The following PTPRD variants were observed in gnomAD, a reference collection of about 807,000 sequenced individuals.
PTPRD encodes receptor-type tyrosine-protein phosphatase delta.
Under a neutral mutation model 214.5 loss-of-function variants are expected in PTPRD, and 34 were observed. That is an observed-to-expected ratio of 0.16 (90% CI 0.12 to 0.21). PTPRD has a LOEUF of 0.21. Among genes scored for constraint, PTPRD ranks in the 10% least tolerant of loss-of-function variants. The pLI is 1.00. For missense variants in PTPRD, 2,545 were observed against 2,398.7 expected (o/e 1.06, Z -1.27); for synonymous variants, 1,128 against 845.7 (o/e 1.33, Z -5.79).
chr9:8,970,917 A>ACAACAAC (rs35506188), intron 11 of PTPRD, among the ~76,000 whole-genome samples: 14 of 149,574 alleles, frequency 9.4e-5, no homozygotes, highest in Admixed American at 5.4e-4. Context: ...AAACAAAACA[A>ACAACAAC]AACAACAACA....
chr9:9,976,521 G>A (rs1037753181), intron 4 of PTPRD, among the ~76,000 whole-genome samples: 1 of 150,872 alleles, frequency 6.6e-6, no homozygotes, highest in African/African-American at 2.4e-5. Flanking sequence ...CAAGTAGCTG[G>A]GATTACAGGT....
At chr9:9,757,477 TGTTCA>T (rs1052244175) in intron 6 of PTPRD, among the ~76,000 whole-genome samples, 6 of 152,190 alleles carry the variant, frequency 3.9e-5, no homozygotes, top group African/African-American at 1.4e-4. Flanking sequence ...GTATCATTTT[TGTTCA>T]GTTATTTTCT....
intron 5 of PTPRD, among the ~76,000 whole-genome samples, chr9:9,785,159 A>G (rs2098911915): frequency 6.6e-6 from 1 of 152,006 alleles, no homozygotes; most frequent in African/African-American, 2.4e-5. Flanking sequence ...TATTTTAAGT[A>G]ACAAAAATCT....
intron 14 of PTPRD, among the ~76,000 whole-genome samples, chr9:8,570,577 A>G (rs1167207073): frequency 2.6e-5 from 4 of 152,172 alleles, no homozygotes; most frequent in African/African-American, 9.6e-5. Context: ...TTTTTTTTAC[A>G]CCAATGACTG....
At chr9:8,521,780 A>C (rs1439699795) in intron 19 of PTPRD, among the ~76,000 whole-genome samples, 1 of 152,190 alleles carries the variant, frequency 6.6e-6, no homozygotes, top group Non-Finnish European at 1.5e-5. Flanking sequence ...CTAATACAAA[A>C]GTTGATTCAG....
intron 5 of PTPRD, among the ~76,000 whole-genome samples, chr9:9,915,449 G>T (rs993879755): frequency 1.3e-5 from 2 of 151,380 alleles, no homozygotes; most frequent in Non-Finnish European, 2.9e-5. Context: ...GAAACTGTGA[G>T]ATATAAGAGA....
chr9:8,908,201 G>C (rs1417457326), intron 11 of PTPRD, among the ~76,000 whole-genome samples: 1 of 152,074 alleles, frequency 6.6e-6, no homozygotes, highest in Non-Finnish European at 1.5e-5. Context: ...CAGCAAAACT[G>C]TCTTTCAAAA....
Position 9,845,153 on chromosome 9 carries a change from TATATATAGAG to T in PTPRD, c.-367-78312_-367-78303del, listed in dbSNP as rs2059263484. ...AGAGCAATATATATATATATTGCTC[TATATATAGAG>T]CAATATATATATATATATTGCTCTA... On this transcript the variant is annotated intron_variant, in intron 5 of 45. Coordinates refer to ENST00000381196, the MANE Select transcript of PTPRD (RefSeq NM_002839.4). Among the ~76,000 whole-genome samples the T allele has an allele frequency of 4.6e-4, 5 of 10,914 alleles. 1 individual carries two copies. Among genetic ancestry groups the T allele is most frequent in the Non-Finnish European group, 1.3e-3 (4 of 2,996 alleles). The allele number at this position is 10,914 out of a possible 152,430, so 7.2% of individuals were successfully genotyped here. A position where few individuals can be genotyped will look rare whatever the true frequency, so the allele number is the denominator to read the frequency against.
chr9:8,594,709 C>G (rs1271853191), intron 14 of PTPRD, among the ~76,000 whole-genome samples: 1 of 152,126 alleles, frequency 6.6e-6, no homozygotes, highest in Non-Finnish European at 1.5e-5. Context: ...GTAAAACGTG[C>G]CTGCTTCCCT....
intron 9 of PTPRD, among the ~76,000 whole-genome samples, chr9:9,230,144 A>G (rs1216423754): frequency 6.6e-6 from 1 of 152,056 alleles, no homozygotes; most frequent in Non-Finnish European, 1.5e-5. Context: ...AAATCTTTTG[A>G]TCACACTTGA....
chr9:10,229,156 T>C (rs978334175), intron 3 of PTPRD, among the ~76,000 whole-genome samples: 11 of 151,982 alleles, frequency 7.2e-5, no homozygotes, highest in Admixed American at 1.3e-4. Flanking sequence ...AATGAGATAC[T>C]ATCTCACACC....
chr9:9,925,595 A>C (rs1566386463), intron 5 of PTPRD, among the ~76,000 whole-genome samples: 1 of 151,482 alleles, frequency 6.6e-6, no homozygotes, highest in Admixed American at 6.6e-5. Flanking sequence ...AGTACTTCTC[A>C]TTTTTTTCAG....
intron 8 of PTPRD, among the ~76,000 whole-genome samples, chr9:9,521,767 A>T (rs1569568982): frequency 6.6e-6 from 1 of 152,196 alleles, no homozygotes; most frequent in Non-Finnish European, 1.5e-5. Context: ...ATTTCTAAGG[A>T]TGCTGAGACA....
chr9:9,271,372 A>C (rs1019269505), intron 9 of PTPRD, among the ~76,000 whole-genome samples: 7 of 151,150 alleles, frequency 4.6e-5, no homozygotes, highest in African/African-American at 1.7e-4. Context: ...CAAACTTCTA[A>C]TTAACTATTT....
chr9:9,468,911 T>C (rs1442484117), intron 8 of PTPRD, among the ~76,000 whole-genome samples: 1 of 152,176 alleles, frequency 6.6e-6, no homozygotes, highest in East Asian at 1.9e-4. Flanking sequence ...AATTCTCATG[T>C]GTATGTAGAG....
chr9:9,720,586 C>G (rs1051620827), intron 7 of PTPRD, among the ~76,000 whole-genome samples: 34 of 152,262 alleles, frequency 2.2e-4, no homozygotes, highest in African/African-American at 6.5e-4. Flanking sequence ...CACCTCCATA[C>G]GTGAATCTAA....
At chr9:8,412,708 C>T (rs1044729793) in intron 35 of PTPRD, among the ~76,000 whole-genome samples, 1 of 152,166 alleles carries the variant, frequency 6.6e-6, no homozygotes, top group African/African-American at 2.4e-5. Flanking sequence ...TTGATGCTAA[C>T]GGTGCCTTTT....
At chr9:9,510,144 TG>T (rs1175115525) in intron 8 of PTPRD, among the ~76,000 whole-genome samples, 2 of 151,748 alleles carry the variant, frequency 1.3e-5, no homozygotes, top group African/African-American at 4.8e-5. Flanking sequence ...TGGTTCCATA[TG>T]GGTGGAGTAG....
At chr9:9,763,456 A>C (rs1025515044) in intron 6 of PTPRD, among the ~76,000 whole-genome samples, 1 of 142,404 alleles carries the variant, frequency 7.0e-6, no homozygotes, top group Admixed American at 6.9e-5. Flanking sequence ...CCTGTTTTTA[A>C]GAACAGTCTT....
Sources: allele counts gnomAD v4.1 joint callset (sites outside exome capture counted in the v4.1 genomes callset), GRCh38; gene constraint gnomAD v4.1.1; transcripts MANE v1.5; gene names NCBI Gene and HGNC (gene_info 2026-07-23, HGNC 2026-07-21).